TNIK: variants seen among roughly 807,000 people sequenced by gnomAD.
TNIK encodes the protein TRAF2 and NCK interacting kinase.
TNIK carries 49 observed loss-of-function variants against 191.3 expected under a neutral mutation model. That is an observed-to-expected ratio of 0.26 (90% CI 0.20 to 0.32). The LOEUF is 0.32. Ranked by LOEUF, TNIK falls within the 10% of genes least tolerant of loss-of-function variation. The probability of loss-of-function intolerance (pLI) is 1.00; values close to 1 mark genes in which losing one functional copy is unlikely to be tolerated. For synonymous variants in TNIK, 594 were observed against 600.9 expected (o/e 0.99, Z 0.17); for missense variants, 1,155 against 1,702.3 (o/e 0.68, Z 5.66).
chr3:171,417,836 A>C (rs1299019950), intron 1 of TNIK, among the ~76,000 whole-genome samples: 1 of 152,202 alleles, frequency 6.6e-6, no homozygotes, highest in Non-Finnish European at 1.5e-5. Context: ...GCTGCATGGC[A>C]TTTCCCAAAG....
chr3:171,385,729 A>C (rs1046287924), intron 1 of TNIK, among the ~76,000 whole-genome samples: 4 of 152,158 alleles, frequency 2.6e-5, no homozygotes, highest in Non-Finnish European at 4.4e-5. Context: ...TGTTAATTGC[A>C]TGTATCATTT....
intron 2 of TNIK, among the ~76,000 whole-genome samples, chr3:171,286,505 C>T (rs891402696): frequency 6.6e-6 from 1 of 152,100 alleles, no homozygotes; most frequent in African/African-American, 2.4e-5. Flanking sequence ...TGTGTTGATG[C>T]ACACCTGTAA....
intron 7 of TNIK, among the ~76,000 whole-genome samples, chr3:171,178,062 G>A (rs555979182): frequency 6.6e-6 from 1 of 152,272 alleles, no homozygotes; most frequent in East Asian, 1.9e-4. Flanking sequence ...TTGTTGTGTA[G>A]TATTCCATTC....
chr3:171,102,298 C>A (rs1723704465), intron 21 of TNIK, among the ~76,000 whole-genome samples: 1 of 152,136 alleles, frequency 6.6e-6, no homozygotes, highest in Admixed American at 6.6e-5. Context: ...GTTTCATTTT[C>A]TTTTGTTTTA....
chr3:171,388,157 C>T (rs1718986376), intron 1 of TNIK, among the ~76,000 whole-genome samples: 1 of 152,230 alleles, frequency 6.6e-6, no homozygotes, highest in Non-Finnish European at 1.5e-5. Flanking sequence ...AATACAAAGA[C>T]TGGCCTGGGC....
At chr3:171,073,679 A>G (rs961937335) in intron 28 of TNIK, among the ~76,000 whole-genome samples, 1 of 152,204 alleles carries the variant, frequency 6.6e-6, no homozygotes, top group African/African-American at 2.4e-5. Context: ...AAATCCTATT[A>G]AAAAGTGGGC....
intron 12 of TNIK, among the ~76,000 whole-genome samples, chr3:171,143,999 A>G (rs928833935): frequency 6.6e-6 from 1 of 152,214 alleles, no homozygotes; most frequent in Non-Finnish European, 1.5e-5. Context: ...TAAACTGGAA[A>G]AAAAGGGAAA....
At chr3:171,288,584 A>G (rs577911154) in intron 2 of TNIK, among the ~76,000 whole-genome samples, 2 of 152,220 alleles carry the variant, frequency 1.3e-5, no homozygotes, top group African/African-American at 2.4e-5. Context: ...TGGGGAGGGC[A>G]GATCACAAGG....
rs746301268 is a variant in TNIK at position 171,101,541 on chromosome 3, A to G, written c.2499T>C (p.Ser833=). 1.1e-5 allele frequency: 17 copies of G among 1,613,180 alleles called. No homozygotes were observed. The highest frequency in any genetic ancestry group is 1.4e-5 in the Non-Finnish European group (17 of 1,179,536). The change falls in exon 22 of 33, where the codon AGT becomes AGC. Residue 833 remains serine (S), a synonymous_variant. Coordinates refer to ENST00000436636, the MANE Select transcript of TNIK (RefSeq NM_015028.4). ...CTTCCTCGCTACTTTCTGACTCCTCACTGGAGGAGGAGTAATCAGTCACCT... is the reference window on the plus strand; with the variant it reads ...CTTCCTCGCTACTTTCTGACTCCTCGCTGGAGGAGGAGTAATCAGTCACCT... ...MKKVTDYSSS[S]EESESSEEEE...
chr3:171,099,388 T>TTTTA (rs369256171), intron 22 of TNIK, among the ~76,000 whole-genome samples: 6,177 of 151,536 alleles, frequency 0.041, 444 homozygotes, highest in African/African-American at 0.14. Flanking sequence ...TTTTTTTTTT[T>TTTTA]AATCTTGCTG....
At chr3:171,326,421 A>C (rs963459834) in intron 2 of TNIK, among the ~76,000 whole-genome samples, 1 of 152,072 alleles carries the variant, frequency 6.6e-6, no homozygotes, top group Non-Finnish European at 1.5e-5. Context: ...AAGTGTCCTG[A>C]AAGGCTTATG....
intron 1 of TNIK, among the ~76,000 whole-genome samples, chr3:171,452,263 T>G (rs1728253737): frequency 6.6e-6 from 1 of 152,204 alleles, no homozygotes; most frequent in Non-Finnish European, 1.5e-5. Context: ...TTACGTTCAG[T>G]GGCAATTCCC....
At chr3:171,407,362 C>T (rs1415854281) in intron 1 of TNIK, among the ~76,000 whole-genome samples, 6 of 152,138 alleles carry the variant, frequency 3.9e-5, no homozygotes, top group South Asian at 2.1e-4. Flanking sequence ...CAGAGTTATC[C>T]GCTCCAAATT....
chr3:171,420,327 T>C (rs73173659), intron 1 of TNIK, among the ~76,000 whole-genome samples: 2,139 of 152,264 alleles, frequency 0.014, 24 homozygotes, highest in South Asian at 0.027. Flanking sequence ...CAACTCTCCA[T>C]GTGAATAAAC....
At chr3:171,138,559 T>A (rs1730354653) in intron 14 of TNIK, among the ~76,000 whole-genome samples, 180 bp from the exon 15 acceptor site, 1 of 151,768 alleles carries the variant, frequency 6.6e-6, no homozygotes, top group African/African-American at 2.4e-5. Context: ...CTGCCTTGTG[T>A]TAGTATCTAC....
chr3:171,434,346 T>C (rs1453939599), intron 1 of TNIK, among the ~76,000 whole-genome samples: 1 of 152,236 alleles, frequency 6.6e-6, no homozygotes, highest in African/African-American at 2.4e-5. Flanking sequence ...GCTGAATTGT[T>C]ATTGTTCTAA....
At chr3:171,119,654 A>G (rs1428491543) in intron 18 of TNIK, among the ~76,000 whole-genome samples, 3 of 152,142 alleles carry the variant, frequency 2.0e-5, no homozygotes, top group South Asian at 2.1e-4. Context: ...AGGGACATGT[A>G]TGAAGCTGGA....
intron 2 of TNIK, among the ~76,000 whole-genome samples, chr3:171,313,723 T>A (rs1235007557): frequency 6.6e-6 from 1 of 152,118 alleles, no homozygotes; most frequent in Non-Finnish European, 1.5e-5. Flanking sequence ...GAAGAGCCAA[T>A]CTGTCACCAC....
intron 2 of TNIK, among the ~76,000 whole-genome samples, chr3:171,303,907 G>C (rs982675368): frequency 2.0e-5 from 3 of 152,158 alleles, no homozygotes; most frequent in Admixed American, 2.0e-4. Context: ...AGGTGAGATA[G>C]TCCGAGGCAA....
Sources: allele counts gnomAD v4.1 joint callset (sites outside exome capture counted in the v4.1 genomes callset), GRCh38; gene constraint gnomAD v4.1.1; transcripts MANE v1.5; gene names NCBI Gene and HGNC (gene_info 2026-07-23, HGNC 2026-07-21).